Variants in COL25A1 observed in about 807,000 individuals in gnomAD.
The protein encoded by COL25A1 is collagen type XXV alpha 1 chain, also known as collagen alpha-1(XXV) chain.
In COL25A1, 103 loss-of-function variants were observed where a neutral mutation model predicts 128.4. The observed-to-expected ratio is 0.80, with a 90% CI of 0.68 to 0.94. The LOEUF (loss-of-function observed/expected upper bound fraction) is 0.94, where lower values mean the gene tolerates loss of function less well. Among genes scored for constraint, COL25A1 ranks in the 40% least tolerant of loss-of-function variants. COL25A1 has a pLI of 0.00. For synonymous variants in COL25A1, 279 were observed against 277.2 expected (o/e 1.01, Z -0.06); for missense variants, 745 against 840.0 (o/e 0.89, Z 1.40).
rs1021982305 is a variant in COL25A1 at position 109,288,962 on chromosome 4, T to TATAC, written c.367+11620_367+11621insGTAT. Among the ~76,000 whole-genome samples the TATAC allele has an allele frequency of 6.5e-3, 866 of 133,576 alleles. 10 individuals are homozygous for TATAC. Among genetic ancestry groups the TATAC allele is most frequent in the African/African-American group, 0.021 (778 of 36,312 alleles). 87.6% of individuals were successfully genotyped at this position (133,576 alleles called of 152,430 possible). A position where few individuals can be genotyped will look rare whatever the true frequency, so the allele number is the denominator to read the frequency against. ...ACTACCAGGAATACTAAATTATATA[T>TATAC]ACACACACACACACACACACACACA... is the stretch of plus-strand genomic sequence containing the variant. On this transcript the variant is annotated intron_variant, in intron 3 of 37. Coordinates refer to ENST00000399132, the MANE Select transcript of COL25A1 (RefSeq NM_198721.4).
rs1448097855 is a variant in COL25A1, at chr4:108,817,419, G to A, written c.1940C>T (p.Pro647Leu). The change falls in exon 37 of 38, where the codon CCC (proline) becomes CTC (leucine). Residue 647 changes from proline to leucine, a missense_variant. By Grantham distance (98) the Pro-to-Leu change is moderately conservative. Transcript: ENST00000399132. ...TACCTTTTGCCAACAGCCAGGCATG[G>A]GTAAGCCATCTGGCCCCTGTTTTAA... Reference protein sequence around the residue: ...APCQLGPDGLPMPGCWQK With the variant: ...APCQLGPDGLLMPGCWQK 1 of 1,613,204 alleles carries A rather than the reference G, an allele frequency of 6.2e-7. No individual in the cohort carries two copies. The highest frequency in any genetic ancestry group is 1.3e-5 in the African/African-American group (1 of 75,002).
chr4:109,257,600 C>T (rs1781164402), intron 3 of COL25A1, among the ~76,000 whole-genome samples: 1 of 152,218 alleles, frequency 6.6e-6, no homozygotes, highest in Non-Finnish European at 1.5e-5. Flanking sequence ...CTCATAGCAA[C>T]TCTATTAGTT....
intron 3 of COL25A1, among the ~76,000 whole-genome samples, chr4:109,293,306 T>C (rs962038932): frequency 1.3e-5 from 2 of 152,066 alleles, no homozygotes; most frequent in African/African-American, 4.8e-5. Context: ...CTAAGTATGA[T>C]GATAAAGAAA....
intron 2 of COL25A1, 24 bp downstream of exon 2, chr4:109,301,699 G>A: frequency 6.2e-7 from 1 of 1,601,778 alleles, no homozygotes. Flanking sequence ...TTACCCACGT[G>A]CAAAATACCC....
At chr4:109,057,832 T>C (rs1761592026) in intron 3 of COL25A1, among the ~76,000 whole-genome samples, 1 of 152,156 alleles carries the variant, frequency 6.6e-6, no homozygotes, top group South Asian at 2.1e-4. Context: ...ATGAAGCATG[T>C]CAAGTTTAAC....
intron 8 of COL25A1, among the ~76,000 whole-genome samples, chr4:108,971,860 GAAGA>G (rs1452801458): frequency 6.6e-6 from 1 of 152,196 alleles, no homozygotes; most frequent in Non-Finnish European, 1.5e-5. Context: ...GTGGTTAGTA[GAAGA>G]GAGAGATAAG....
At chr4:108,820,063 ATGGATTC>A (rs1472897026) in intron 35 of COL25A1, among the ~76,000 whole-genome samples, 2 of 152,224 alleles carry the variant, frequency 1.3e-5, no homozygotes, top group Admixed American at 6.5e-5. Context: ...CAGAGTGACA[ATGGATTC>A]TGGGCAGGGG....
chr4:108,899,075 A>T, intron 15 of COL25A1, 79 bp downstream of exon 15: 1 of 1,390,086 alleles, frequency 7.2e-7, no homozygotes, highest in Non-Finnish European at 1.0e-6. Flanking sequence ...ATTCATGCAT[A>T]TAGTTTAGTT....
intron 13 of COL25A1, among the ~76,000 whole-genome samples, chr4:108,916,394 G>A (rs1212862932): frequency 6.6e-6 from 1 of 152,082 alleles, no homozygotes; most frequent in Non-Finnish European, 1.5e-5. Flanking sequence ...CTCTTGCTAA[G>A]GAAATTGCAT....
At chr4:109,000,843 A>C (rs1252619118) in intron 6 of COL25A1, among the ~76,000 whole-genome samples, 1 of 151,600 alleles carries the variant, frequency 6.6e-6, no homozygotes, top group Non-Finnish European at 1.5e-5. Flanking sequence ...GGGAGAGTAA[A>C]GACTTCTTAA....
Position 109,024,954 on chromosome 4 carries a change from C to T in COL25A1, c.421-14579G>A, listed in dbSNP as rs554816210. On this transcript the variant is annotated intron_variant, in intron 5 of 37. Transcript: ENST00000399132. ...GAAGAGTTATACAGTTAAACACCAG[C>T]GAGAAGAGGTCATGACTCCACATCA... is the stretch of plus-strand genomic sequence containing the variant. Among the ~76,000 whole-genome samples, 9 of 152,232 alleles carry T rather than the reference C, an allele frequency of 5.9e-5. No individual in the cohort carries two copies. In the South Asian group the frequency reaches 1.2e-3, roughly 21 times the overall value.
chr4:108,927,168 G>T (rs905064389), intron 11 of COL25A1, among the ~76,000 whole-genome samples: 1 of 152,010 alleles, frequency 6.6e-6, no homozygotes, highest in Non-Finnish European at 1.5e-5. Context: ...AAGGCCCAGT[G>T]GTCATAACTC....
intron 35 of COL25A1, chr4:108,823,893 C>A: frequency 1.5e-6 from 2 of 1,365,788 alleles, no homozygotes; most frequent in Non-Finnish European, 1.9e-6. Context: ...TTCAAAAATC[C>A]TTTATTTTTC....
In COL25A1 at chr4:108,817,389, A is replaced by C. The variant is rs1210766017; in HGVS notation, c.1962+8T>G. On this transcript the variant is annotated splice_region_variant and intron_variant, in intron 37 of 37. Transcript: ENST00000399132. ...GCTTCTTTTGAGAAATTATTCAGTA[A>C]AGCCTACCTTTTGCCAACAGCCAGG... 6.2e-7 allele frequency: 1 copy of C among 1,613,190 alleles called. No individual in the cohort carries two copies. The highest frequency in any genetic ancestry group is 8.5e-7 in the Non-Finnish European group (1 of 1,179,294).
chr4:108,993,784 C>T (rs1460192118), intron 6 of COL25A1, among the ~76,000 whole-genome samples: 3 of 149,534 alleles, frequency 2.0e-5, no homozygotes, highest in Admixed American at 1.4e-4. Flanking sequence ...TGCTTGAACC[C>T]GGGAGGCAGA....
In COL25A1 at chr4:109,161,932, G is replaced by C. The variant is rs370222002; in HGVS notation, c.368-111753C>G. The stretch of plus-strand genomic sequence containing the variant: ...GTTCACTCCAAATCTCAGGCAACAG[G>C]TAACATCTAGTGAATCATTCGGCAG... On this transcript the variant is annotated intron_variant, in intron 3 of 37. Coordinates refer to ENST00000399132, the MANE Select transcript of COL25A1 (RefSeq NM_198721.4). Among the ~76,000 whole-genome samples the C allele has an allele frequency of 1.4e-4, 22 of 152,264 alleles. No homozygotes were observed. In the East Asian group the frequency reaches 2.5e-3, roughly 17 times the overall value.
chr4:109,189,770 A>C (rs994101247), intron 3 of COL25A1, among the ~76,000 whole-genome samples: 3 of 152,036 alleles, frequency 2.0e-5, no homozygotes, highest in Admixed American at 1.3e-4. Context: ...TCCTGTATTT[A>C]TCTATTTTTT....
rs570335602 is a variant in COL25A1, at chr4:108,868,751, G to A, written c.1083+337C>T. Among the ~76,000 whole-genome samples the A allele has an allele frequency of 1.1e-3, 148 of 139,636 alleles. 2 individuals carry two copies. The highest frequency in any genetic ancestry group is 4.1e-3 in the Middle Eastern group (1 of 246). The allele number at this position is 139,636 out of a possible 152,430, so 91.6% of individuals were successfully genotyped here. A position where few individuals can be genotyped will look rare whatever the true frequency, so the allele number is the denominator to read the frequency against. On this transcript the variant is annotated intron_variant, in intron 20 of 37. Transcript: ENST00000399132. ...AGGAAGGGAGGAAGGAAGGAAGGAGGAAGAAAGTAAAAGGAAGGGAAGGGA... is the reference window on the plus strand; with the variant it reads ...AGGAAGGGAGGAAGGAAGGAAGGAGAAAGAAAGTAAAAGGAAGGGAAGGGA...
intron 13 of COL25A1, among the ~76,000 whole-genome samples, chr4:108,903,725 T>C (rs1257623560): frequency 6.6e-6 from 1 of 152,078 alleles, no homozygotes; most frequent in Non-Finnish European, 1.5e-5. Flanking sequence ...CAAAAAAATT[T>C]TATAGGCATT....
Sources: gnomAD v4.1 joint callset for allele counts (sites outside exome capture counted in the v4.1 genomes callset) on GRCh38, gnomAD v4.1.1 for gene constraint, MANE v1.5 for transcripts, NCBI Gene and HGNC (gene_info 2026-07-23, HGNC 2026-07-21) for gene names.